Variants in SLC5A7 observed in about 807,000 individuals in gnomAD.
The protein encoded by SLC5A7 is solute carrier family 5 member 7, also known as high affinity choline transporter 1.
In SLC5A7, 19 loss-of-function variants were observed where a neutral mutation model predicts 55.4. That is an observed-to-expected ratio of 0.34 (90% CI 0.24 to 0.50). The LOEUF (loss-of-function observed/expected upper bound fraction) is 0.50. Ranked by LOEUF, SLC5A7 falls within the 20% of genes least tolerant of loss-of-function variation. The probability of loss-of-function intolerance (pLI) is 0.98; values close to 1 mark genes in which losing one functional copy is unlikely to be tolerated. For synonymous variants in SLC5A7, 265 were observed against 263.7 expected (o/e 1.00, Z -0.05); for missense variants, 506 against 705.3 (o/e 0.72, Z 3.20).
At chr2:108,004,319 G>T (rs1352377758) in intron 6 of SLC5A7, among the ~76,000 whole-genome samples, 1 of 152,046 alleles carries the variant, frequency 6.6e-6, no homozygotes, top group Non-Finnish European at 1.5e-5. Flanking sequence ...GAAAGGAAAA[G>T]GTTTTGGAAG....
chr2:107,994,379 C>A (rs1023655373), intron 4 of SLC5A7, among the ~76,000 whole-genome samples: 5 of 152,110 alleles, frequency 3.3e-5, no homozygotes, highest in African/African-American at 1.2e-4. Context: ...GTCATGAGAT[C>A]GAGACCATCC....
intron 5 of SLC5A7, among the ~76,000 whole-genome samples, chr2:108,001,554 T>A (rs1677902585): frequency 6.7e-6 from 1 of 149,168 alleles, no homozygotes; most frequent in Admixed American, 6.7e-5. Flanking sequence ...GCGCCTGTAG[T>A]CCCAGCTACT....
intron 6 of SLC5A7, among the ~76,000 whole-genome samples, chr2:108,002,871 A>T (rs903664487): frequency 3.3e-5 from 5 of 152,102 alleles, no homozygotes. Context: ...AAATCTTCTT[A>T]AAAAAAGAAA....
At chr2:107,994,191 T>G (rs1212436112) in intron 4 of SLC5A7, among the ~76,000 whole-genome samples, 1 of 152,198 alleles carries the variant, frequency 6.6e-6, no homozygotes, top group African/African-American at 2.4e-5. Flanking sequence ...ACATCCAATT[T>G]CATCCCGCAG....
intron 3 of SLC5A7, 104 bp downstream of exon 3, chr2:107,992,323 TA>T: frequency 1.8e-5 from 11 of 601,394 alleles, no homozygotes; most frequent in East Asian, 3.2e-5. Flanking sequence ...ATAACCATTG[TA>T]AAAAAATGTC....
intron 6 of SLC5A7, among the ~76,000 whole-genome samples, chr2:108,005,555 T>C (rs1442535711): frequency 1.3e-5 from 2 of 152,356 alleles, no homozygotes; most frequent in South Asian, 2.1e-4. Flanking sequence ...TGATGATACA[T>C]TGTCTTAGTT....
At chr2:108,003,921 T>C (rs1296490530) in intron 6 of SLC5A7, among the ~76,000 whole-genome samples, 1 of 152,216 alleles carries the variant, frequency 6.6e-6, no homozygotes, top group African/African-American at 2.4e-5. Flanking sequence ...AAGATGGCAG[T>C]ATTCCAGGTT....
Position 108,013,062 on chromosome 2 carries a change from T to C in SLC5A7, c.*2201T>C, listed in dbSNP as rs1297283722. 6.6e-6 allele frequency: 1 copy of C among 152,096 alleles called. No individual in the cohort carries two copies. The highest frequency in any genetic ancestry group is 1.5e-5 in the Non-Finnish European group (1 of 67,990). The allele number at this position is 152,096 out of a possible 1,614,324, so 9.4% of individuals were successfully genotyped here. A position where few individuals can be genotyped will look rare whatever the true frequency, so the allele number is the denominator to read the frequency against. Reference sequence around the variant, plus strand: ...ATGCAACAGGGAGGCATAGTCTCTCTACAGGTCTCTCTCTTTACGTTGTAC... The same window carrying C: ...ATGCAACAGGGAGGCATAGTCTCTCCACAGGTCTCTCTCTTTACGTTGTAC... On this transcript the variant is annotated 3_prime_UTR_variant, in exon 9 of 9. Coordinates refer to ENST00000264047, the MANE Select transcript of SLC5A7 (RefSeq NM_021815.5).
rs1157492588 is a variant in SLC5A7 at position 108,010,728 on chromosome 2, T to C, written c.1610T>C (p.Ile537Thr). 6.2e-7 allele frequency: 1 copy of C among 1,613,824 alleles called. No homozygotes were observed. Among genetic ancestry groups the C allele is most frequent in the Non-Finnish European group, 8.5e-7 (1 of 1,179,882 alleles). ...DKTILVKNEN[I>T]KLDELALVKP... is the part of the protein sequence containing the mutation. ...ACAATTCTTGTCAAAAATGAAAATA[T>C]TAAATTAGATGAACTTGCACTTGTG... The change falls in exon 9 of 9, where the codon ATT (isoleucine) becomes ACT (threonine). Residue 537 changes from isoleucine to threonine, a missense_variant. By Grantham distance (89) the Ile-to-Thr change is moderately conservative (BLOSUM62 -1). Transcript: ENST00000264047.
chr2:107,999,341 C>G (rs1167920670), intron 5 of SLC5A7, among the ~76,000 whole-genome samples: 1 of 152,186 alleles, frequency 6.6e-6, no homozygotes, highest in Non-Finnish European at 1.5e-5. Flanking sequence ...AATGACAGCT[C>G]TCATAACTGA....
Position 108,002,449 on chromosome 2 carries a change from A to G in SLC5A7, c.741+409A>G, listed in dbSNP as rs58219111. Among the ~76,000 whole-genome samples the G allele has an allele frequency of 7.2e-3, 1,095 of 152,328 alleles. 12 individuals carry two copies. The highest frequency in any genetic ancestry group is 0.023 in the African/African-American group (975 of 41,576). On this transcript the variant is annotated intron_variant, in intron 6 of 8. Transcript: ENST00000264047. ...TCTTGAATTACAGAGTAAGTGAATT[A>G]GTAGTGCTAGAGGCCCTAAGTGAGG...
At chr2:107,995,826 C>T (rs984952662) in intron 4 of SLC5A7, among the ~76,000 whole-genome samples, 10 of 152,112 alleles carry the variant, frequency 6.6e-5, no homozygotes, top group African/African-American at 2.2e-4. Context: ...ACACTTCTAA[C>T]AGCTCAAGTT....
At position 107,988,277 on chromosome 2, in the gene SLC5A7, C is replaced by G. The variant is rs1251058982; in HGVS notation, c.122C>G (p.Ala41Gly). The stretch of plus-strand genomic sequence containing the variant: ...GGCAGCGCAGAAGAGCGCAGCGAAG[C>G]CATCATAGTTGGTGGCCGAGATATT... ...NSGSAEERSE[A>G]IIVGGRDIGL... The change falls in exon 2 of 9, where the codon GCC becomes GGC. Residue 41 changes from alanine (A) to glycine (G), a missense_variant. Physicochemically the swap from Ala to Gly is moderately conservative, Grantham distance 60 (BLOSUM62 0). Transcript: ENST00000264047. The G allele has an allele frequency of 6.2e-7, 1 of 1,614,088 alleles. No homozygotes were observed. The highest frequency in any genetic ancestry group is 2.2e-5 in the East Asian group (1 of 44,880).
chr2:108,000,872 G>A (rs986280302), intron 5 of SLC5A7, among the ~76,000 whole-genome samples: 2 of 151,778 alleles, frequency 1.3e-5, no homozygotes, highest in African/African-American at 2.4e-5. Flanking sequence ...TGGGATTACA[G>A]GCCTGAGCCA....
At chr2:107,999,312 G>A (rs1677795958) in intron 5 of SLC5A7, among the ~76,000 whole-genome samples, 1 of 152,174 alleles carries the variant, frequency 6.6e-6, no homozygotes, top group South Asian at 2.1e-4. Flanking sequence ...CAGAATGTCA[G>A]GAGCCAGGTT....
intron 1 of SLC5A7, 24 bp downstream of exon 1, chr2:107,986,787 G>T (rs1407247493): frequency 6.6e-6 from 1 of 152,160 alleles, no homozygotes; most frequent in African/African-American, 2.4e-5. Flanking sequence ...GGGCATTCCT[G>T]CGCCTACGGG....
chr2:107,988,141 G>C lies in SLC5A7; in HGVS notation c.-15G>C. The C allele has an allele frequency of 6.2e-7, 1 of 1,610,152 alleles. No individual in the cohort carries two copies. The highest frequency in any genetic ancestry group is 8.5e-7 in the Non-Finnish European group (1 of 1,176,946). ...AAGTAGCCAGCTGCAGAAGAATCTG[G>C]ATCATTAGATAAAAATGGCTTTCCA... On this transcript the variant is annotated 5_prime_UTR_variant, in exon 2 of 9. Transcript: ENST00000264047.
At chr2:108,002,266 G>A (rs1004909933) in intron 6 of SLC5A7, among the ~76,000 whole-genome samples, 1 of 152,066 alleles carries the variant, frequency 6.6e-6, no homozygotes. Flanking sequence ...AGGTGTTCTG[G>A]GTGGTGGGTC....
Position 107,988,314 on chromosome 2 carries a change from T to C in SLC5A7, c.159T>C (p.Val53=). Residue 53 remains valine (V), a synonymous_variant, in exon 2 of 9, where the codon GTT becomes GTC. Coordinates refer to ENST00000264047, the MANE Select transcript of SLC5A7 (RefSeq NM_021815.5). ...IVGGRDIGLL[V]GGFTMTATWV... is the part of the protein sequence containing the mutation. ...GTGGCCGAGATATTGGTTTATTGGTTGGTGGATTTACCATGACAGGTACGT... is the reference window on the plus strand; with the variant it reads ...GTGGCCGAGATATTGGTTTATTGGTCGGTGGATTTACCATGACAGGTACGT... 3 of 1,613,664 alleles carry C rather than the reference T, an allele frequency of 1.9e-6. No individual in the cohort carries two copies. The highest frequency in any genetic ancestry group is 2.5e-6 in the Non-Finnish European group (3 of 1,179,636).
Sources: gnomAD v4.1 joint callset for allele counts (sites outside exome capture counted in the v4.1 genomes callset) on GRCh38, gnomAD v4.1.1 for gene constraint, MANE v1.5 for transcripts, NCBI Gene and HGNC (gene_info 2026-07-23, HGNC 2026-07-21) for gene names.